The following IFT57 variants were observed in gnomAD, a reference collection of about 807,000 sequenced individuals.
IFT57 encodes the protein intraflagellar transport 57.
In IFT57, 59 loss-of-function variants were observed where a neutral mutation model predicts 56.8. The ratio of observed to expected loss-of-function variants is 1.04; its 90% CI spans 0.84 to 1.29. IFT57 has a LOEUF of 1.29. Among genes scored for constraint, IFT57 ranks in the 50% most tolerant of loss-of-function variants. The pLI, the probability that IFT57 is intolerant of heterozygous loss-of-function variation, is 0.00. For synonymous variants in IFT57, 209 were observed against 186.1 expected (o/e 1.12, Z -1.00); for missense variants, 470 against 522.1 (o/e 0.90, Z 0.97).
chr3:108,217,193 C>A (rs567857046), intron 3 of IFT57, among the ~76,000 whole-genome samples: 1 of 152,136 alleles, frequency 6.6e-6, no homozygotes, highest in South Asian at 2.1e-4. Flanking sequence ...TGTATCGAAA[C>A]ATCACATTGT....
chr3:108,217,682 A>C (rs538277419), intron 3 of IFT57, among the ~76,000 whole-genome samples: 5 of 150,690 alleles, frequency 3.3e-5, no homozygotes, highest in Non-Finnish European at 5.9e-5. Flanking sequence ...ATATATATAT[A>C]TGTGTGTGTG....
At chr3:108,180,363 CAG>C (rs2080145520) in intron 6 of IFT57, among the ~76,000 whole-genome samples, 1 of 151,890 alleles carries the variant, frequency 6.6e-6, no homozygotes, top group African/African-American at 2.4e-5. Context: ...GCAAGTCAGA[CAG>C]GGAGTGAATC....
rs2080032739 is a variant in IFT57 at position 108,161,667 on chromosome 3, G to A, written c.*810C>T. 1 of 152,034 alleles carries A rather than the reference G, an allele frequency of 6.6e-6. No individual in the cohort carries two copies. The highest frequency in any genetic ancestry group is 1.5e-5 in the Non-Finnish European group (1 of 68,026). The allele number at this position is 152,034 out of a possible 1,614,324, so 9.4% of individuals were successfully genotyped here. The stretch of plus-strand genomic sequence containing the variant: ...AAATCCTAGCCTAGAAAGTTGCTCA[G>A]GAAGATGCATAAGTAAAGATCATCA... On this transcript the variant is annotated 3_prime_UTR_variant, in exon 11 of 11. Transcript: ENST00000264538.
chr3:108,172,694 G>A (rs996109246), intron 6 of IFT57, among the ~76,000 whole-genome samples: 3 of 151,828 alleles, frequency 2.0e-5, no homozygotes, highest in Non-Finnish European at 2.9e-5. Flanking sequence ...AGTGAAGTAC[G>A]CATATGGGGT....
intron 5 of IFT57, among the ~76,000 whole-genome samples, chr3:108,202,165 C>G (rs1029892205): frequency 3.3e-5 from 5 of 152,166 alleles, no homozygotes; most frequent in African/African-American, 7.2e-5. Flanking sequence ...GCACAGCTCC[C>G]TCTCCTCTTT....
At chr3:108,218,331 T>C (rs2080384815) in intron 3 of IFT57, 6 of 360,096 alleles carry the variant, frequency 1.7e-5, no homozygotes, top group African/African-American at 1.0e-4. Context: ...CATAATAATA[T>C]GTAACACATT....
chr3:108,203,861 TAAAA>T (rs1397322397), intron 5 of IFT57, among the ~76,000 whole-genome samples: 3 of 152,198 alleles, frequency 2.0e-5, no homozygotes, highest in Non-Finnish European at 2.9e-5. Context: ...CTTATTGTTT[TAAAA>T]CCATAGACAG....
intron 1 of IFT57, 196 bp downstream of exon 1, chr3:108,221,915 C>T (rs923291048): frequency 5.2e-6 from 6 of 1,147,092 alleles, no homozygotes; most frequent in African/African-American, 4.7e-5. Flanking sequence ...ATTCTCTCTA[C>T]AAAAATACCA....
intron 6 of IFT57, among the ~76,000 whole-genome samples, chr3:108,168,182 C>A (rs1244962474): frequency 2.6e-5 from 4 of 151,844 alleles, no homozygotes; most frequent in Non-Finnish European, 5.9e-5. Flanking sequence ...TAGAAAAGAA[C>A]TACTTGTTTA....
chr3:108,194,525 T>C (rs1242813698), intron 5 of IFT57, among the ~76,000 whole-genome samples: 1 of 151,970 alleles, frequency 6.6e-6, no homozygotes, highest in Admixed American at 6.6e-5. Context: ...AGACCCAGAA[T>C]AGTCAAAGCA....
intron 5 of IFT57, among the ~76,000 whole-genome samples, chr3:108,201,059 T>C (rs997549442): frequency 1.3e-5 from 2 of 152,324 alleles, no homozygotes; most frequent in South Asian, 4.1e-4. Flanking sequence ...AAAACAAGAC[T>C]GGGTAGAATT....
intron 5 of IFT57, among the ~76,000 whole-genome samples, chr3:108,194,724 G>GA: frequency 6.6e-6 from 1 of 152,034 alleles, no homozygotes; most frequent in Non-Finnish European, 1.5e-5. Context: ...AAAACACCAA[G>GA]AACATACATT....
chr3:108,191,093 C>T (rs62262420), intron 6 of IFT57, among the ~76,000 whole-genome samples: 36,029 of 152,106 alleles, frequency 0.24, 5,871 homozygotes, highest in Non-Finnish European at 0.34. Context: ...GCCTGGCCAG[C>T]ATTTTATTTT....
chr3:108,176,763 A>C (rs2080126109), intron 6 of IFT57, among the ~76,000 whole-genome samples: 1 of 151,826 alleles, frequency 6.6e-6, no homozygotes, highest in Non-Finnish European at 1.5e-5. Flanking sequence ...GTTACTTAGA[A>C]ATTTTTTCTC....
intron 5 of IFT57, among the ~76,000 whole-genome samples, chr3:108,206,123 A>G (rs1340251801): frequency 7.4e-6 from 1 of 135,976 alleles, no homozygotes; most frequent in African/African-American, 2.7e-5. Context: ...GGTGAATGTA[A>G]AAATATATAT....
At chr3:108,200,628 T>G (rs909247493) in intron 5 of IFT57, among the ~76,000 whole-genome samples, 15 of 152,168 alleles carry the variant, frequency 9.9e-5, no homozygotes, top group African/African-American at 3.6e-4. Context: ...AGCTCTCAAA[T>G]AATACCTAAA....
intron 6 of IFT57, among the ~76,000 whole-genome samples, chr3:108,177,234 C>G (rs1248254310): frequency 4.6e-5 from 7 of 151,628 alleles, no homozygotes; most frequent in Admixed American, 6.6e-5. Context: ...TCAGTGTTAT[C>G]AGAAAAAATA....
At chr3:108,190,500 T>C (rs920985466) in intron 6 of IFT57, among the ~76,000 whole-genome samples, 1 of 152,306 alleles carries the variant, frequency 6.6e-6, no homozygotes, top group African/African-American at 2.4e-5. Context: ...GCTCACTTCT[T>C]CTCCTTCCTG....
At chr3:108,221,490 T>C (rs1439429454) in intron 1 of IFT57, among the ~76,000 whole-genome samples, 1 of 152,202 alleles carries the variant, frequency 6.6e-6, no homozygotes, top group African/African-American at 2.4e-5. Flanking sequence ...TCAATAGTTG[T>C]CATTCGTCTT....
Sources: allele counts gnomAD v4.1 joint callset (sites outside exome capture counted in the v4.1 genomes callset), GRCh38; gene constraint gnomAD v4.1.1; transcripts MANE v1.5; gene names NCBI Gene and HGNC (gene_info 2026-07-23, HGNC 2026-07-21).